Variants in TMEM164 observed in about 807,000 individuals in gnomAD.
TMEM164 encodes the protein RP13-360B22.2.
Under a neutral mutation model 18.8 loss-of-function variants are expected in TMEM164, and 4 were observed. The observed-to-expected ratio is 0.21, with a 90% CI of 0.10 to 0.49. The LOEUF (loss-of-function observed/expected upper bound fraction) is 0.49. Among genes scored for constraint, TMEM164 ranks in the 20% least tolerant of loss-of-function variants. The probability of loss-of-function intolerance (pLI) is 0.98; values close to 1 mark genes in which losing one functional copy is unlikely to be tolerated. For synonymous variants in TMEM164, 86 were observed against 101.7 expected (o/e 0.85, Z 0.93); for missense variants, 108 against 239.9 (o/e 0.45, Z 3.63).
intron 4 of TMEM164, among the ~76,000 whole-genome samples, chrX:110,125,707 G>A (rs909827625): frequency 3.6e-5 from 4 of 112,442 alleles, no homozygotes; most frequent in East Asian, 2.8e-4. Flanking sequence ...TCACTACATC[G>A]TGTTAGAAAC....
At position 110,176,293 on chromosome X, in the gene TMEM164, T is replaced by G; in HGVS notation, c.*2842T>G. Reference sequence around the variant, plus strand: ...ATAGCAGAGACCCAGTCACGCCTGCTTCTGGTCCTCCCTGCCCTCAGTATT... The same window carrying G: ...ATAGCAGAGACCCAGTCACGCCTGCGTCTGGTCCTCCCTGCCCTCAGTATT... On this transcript the variant is annotated 3_prime_UTR_variant, in exon 7 of 7. Coordinates refer to ENST00000372068, the MANE Select transcript of TMEM164 (RefSeq NM_032227.4). 1 of 756,535 alleles carries G rather than the reference T, an allele frequency of 1.3e-6. No individual in the cohort carries two copies. Among genetic ancestry groups the G allele is most frequent in the Non-Finnish European group, 1.6e-6 (1 of 639,621 alleles). 62.3% of individuals were successfully genotyped at this position (756,535 alleles called of 1,213,427 possible).
intron 3 of TMEM164, among the ~76,000 whole-genome samples, chrX:110,092,788 A>G (rs956015572): frequency 4.5e-5 from 5 of 111,929 alleles, no homozygotes. Context: ...GTCTTGTGCC[A>G]GTTTTCAAAG....
intron 2 of TMEM164, among the ~76,000 whole-genome samples, chrX:110,005,508 G>A (rs1418729430): frequency 8.9e-6 from 1 of 112,020 alleles, no homozygotes; most frequent in African/African-American, 3.2e-5. Context: ...CAGGCTTCTG[G>A]ATGTGGTGAA....
At chrX:110,170,133 C>T (rs941416887) in intron 5 of TMEM164, among the ~76,000 whole-genome samples, 1 of 112,435 alleles carries the variant, frequency 8.9e-6, no homozygotes, top group African/African-American at 3.2e-5. Context: ...TCTGAATTGC[C>T]CCACTCTTGT....
chrX:110,162,073 T>C (rs2067100701), intron 5 of TMEM164, among the ~76,000 whole-genome samples: 1 of 112,826 alleles, frequency 8.9e-6, no homozygotes, highest in South Asian at 3.7e-4. Flanking sequence ...GATTCTGATT[T>C]TGACCCACAC....
At chrX:110,021,769 C>T (rs776847679) in intron 2 of TMEM164, among the ~76,000 whole-genome samples, 6 of 112,188 alleles carry the variant, frequency 5.3e-5, no homozygotes, top group South Asian at 3.7e-4. Context: ...CCTTCTCTAA[C>T]GGTAGGTTAA....
intron 3 of TMEM164, among the ~76,000 whole-genome samples, chrX:110,099,550 A>G (rs768653447): frequency 1.8e-5 from 2 of 112,517 alleles, no homozygotes; most frequent in African/African-American, 3.2e-5. Flanking sequence ...ATTCTGGACT[A>G]TTATGTTTCA....
At chrX:110,158,603 G>C (rs947939404) in intron 5 of TMEM164, among the ~76,000 whole-genome samples, 7 of 112,288 alleles carry the variant, frequency 6.2e-5, no homozygotes, top group Non-Finnish European at 9.4e-5. Flanking sequence ...TGCTGGGCGA[G>C]AGCTTGCAGC....
chrX:110,127,058 T>G (rs1207731243), intron 4 of TMEM164, among the ~76,000 whole-genome samples: 1 of 111,198 alleles, frequency 9.0e-6, no homozygotes. Context: ...AACTGTAACT[T>G]GGGCCAAAGG....
At chrX:110,013,115 A>G (rs1933101999) in intron 2 of TMEM164, among the ~76,000 whole-genome samples, 1 of 112,042 alleles carries the variant, frequency 8.9e-6, no homozygotes, top group Non-Finnish European at 1.9e-5. Context: ...ATTCTAGCCC[A>G]GTGCCTTCAG....
chrX:110,009,810 G>A (rs1304277062), intron 2 of TMEM164, among the ~76,000 whole-genome samples: 1 of 110,477 alleles, frequency 9.1e-6, no homozygotes, highest in Non-Finnish European at 1.9e-5. Flanking sequence ...TGGCTAACAC[G>A]GTGAAACCCT....
At position 110,020,207 on chromosome X, in the gene TMEM164, G is replaced by A. The variant is rs183422232; in HGVS notation, c.390+16043G>A. ...AAGGTCTATGTTTTTATTAATTTTT[G>A]TATCCCCCGCACAGCTTCTGGTACA... On this transcript the variant is annotated intron_variant, in intron 2 of 6. Transcript: ENST00000372068. 1,312 of 157,840 alleles carry A rather than the reference G, an allele frequency of 8.3e-3. 7 individuals carry two copies. Among genetic ancestry groups the A allele is most frequent in the Non-Finnish European group, 0.011 (1,090 of 95,211 alleles). 13.0% of individuals were successfully genotyped at this position (157,840 alleles called of 1,213,427 possible).
chrX:110,096,710 A>G (rs188902767), intron 3 of TMEM164, among the ~76,000 whole-genome samples: 1 of 112,069 alleles, frequency 8.9e-6, no homozygotes, highest in Non-Finnish European at 1.9e-5. Context: ...ATCCCCAGTG[A>G]GATGAACCTG....
intron 2 of TMEM164, among the ~76,000 whole-genome samples, chrX:110,037,307 G>A (rs1166809108): frequency 9.0e-6 from 1 of 111,380 alleles, no homozygotes; most frequent in Admixed American, 9.5e-5. Context: ...AAAGATTCAT[G>A]AAAAGAGGAG....
At chrX:110,120,437 C>T (rs1024567579) in intron 4 of TMEM164, among the ~76,000 whole-genome samples, 2 of 112,108 alleles carry the variant, frequency 1.8e-5, no homozygotes, top group Non-Finnish European at 3.8e-5. Flanking sequence ...GAGCCACTTT[C>T]AATACACACT....
intron 2 of TMEM164, among the ~76,000 whole-genome samples, chrX:110,023,979 T>C (rs1934056493): frequency 8.9e-6 from 1 of 111,978 alleles, no homozygotes; most frequent in African/African-American, 3.3e-5. Context: ...GTAAGTCCCT[T>C]CCCTTCTCTG....
chrX:110,170,617 T>C (rs768796101), intron 5 of TMEM164, among the ~76,000 whole-genome samples: 2 of 111,749 alleles, frequency 1.8e-5, no homozygotes, highest in Non-Finnish European at 3.8e-5. Flanking sequence ...CTCCAAGATG[T>C]GGAATATATC....
At chrX:110,036,125 A>G (rs1934788889) in intron 2 of TMEM164, among the ~76,000 whole-genome samples, 1 of 111,778 alleles carries the variant, frequency 8.9e-6, no homozygotes, top group African/African-American at 3.3e-5. Context: ...AAAGTTTCAA[A>G]TGATTGTTGA....
chrX:110,112,887 C>T (rs1210734516), intron 4 of TMEM164, among the ~76,000 whole-genome samples: 1 of 111,616 alleles, frequency 9.0e-6, no homozygotes, highest in African/African-American at 3.3e-5. Flanking sequence ...GCCCTTTCTG[C>T]AGATACTGTA....
Sources: allele counts gnomAD v4.1 joint callset (sites outside exome capture counted in the v4.1 genomes callset), GRCh38; gene constraint gnomAD v4.1.1; transcripts MANE v1.5; gene names NCBI Gene and HGNC (gene_info 2026-07-23, HGNC 2026-07-21).